The following MED13L variants were observed in gnomAD, a reference collection of about 807,000 sequenced individuals.
MED13L encodes mediator of RNA polymerase II transcription subunit 13-like.
Under a neutral mutation model 220.9 loss-of-function variants are expected in MED13L, and 7 were observed. The observed-to-expected ratio is 0.03, with a 90% CI of 0.02 to 0.06. MED13L has a LOEUF of 0.06. Ranked by LOEUF, MED13L falls within the 10% of genes least tolerant of loss-of-function variation. MED13L has a pLI of 1.00. For missense variants in MED13L, 1,965 were observed against 2,760.5 expected (o/e 0.71, Z 6.46); for synonymous variants, 1,011 against 1,015.2 (o/e 1.00, Z 0.08).
At chr12:116,218,765 G>A (rs1301767539) in intron 2 of MED13L, among the ~76,000 whole-genome samples, 1 of 151,044 alleles carries the variant, frequency 6.6e-6, no homozygotes, top group Non-Finnish European at 1.5e-5. Context: ...ACAAGGTCTT[G>A]CTCTGTCACC....
intron 2 of MED13L, among the ~76,000 whole-genome samples, chr12:116,217,137 T>C (rs1883046617): frequency 6.6e-6 from 1 of 152,190 alleles, no homozygotes. Flanking sequence ...CTCTCTCCTG[T>C]GACAGTTACC....
At chr12:116,166,089 C>T (rs1318944666) in intron 2 of MED13L, among the ~76,000 whole-genome samples, 2 of 152,176 alleles carry the variant, frequency 1.3e-5, no homozygotes, top group African/African-American at 2.4e-5. Flanking sequence ...TCTGGTCAGG[C>T]GCAGTGGCTC....
chr12:116,185,444 AT>A (rs1880818620), intron 2 of MED13L, among the ~76,000 whole-genome samples: 1 of 152,038 alleles, frequency 6.6e-6, no homozygotes, highest in African/African-American at 2.4e-5. Flanking sequence ...ACTCTAAAAG[AT>A]CTTTGTAAGA....
chr12:116,032,162 C>T (rs993988343), intron 4 of MED13L, among the ~76,000 whole-genome samples: 8 of 152,022 alleles, frequency 5.3e-5, no homozygotes, highest in African/African-American at 1.9e-4. Context: ...ATCATATATT[C>T]CTGGATATAA....
intron 2 of MED13L, among the ~76,000 whole-genome samples, chr12:116,128,167 T>A (rs1421832679): frequency 6.6e-6 from 1 of 152,244 alleles, no homozygotes; most frequent in East Asian, 1.9e-4. Flanking sequence ...CAAAGAAGAA[T>A]GTCAGCACGA....
chr12:116,277,496 CCGGAGCCGCCGCCGCCGCCT>C lies in MED13L; in HGVS notation c.-385_-366del, dbSNP rs1257504871. On this transcript the variant is annotated 5_prime_UTR_variant, in exon 1 of 31. Coordinates refer to ENST00000281928, the MANE Select transcript of MED13L (RefSeq NM_015335.5). ...GCCGGCGCGCGAGGGGAGGCGAGCC[CCGGAGCCGCCGCCGCCGCCT>C]CGGAGCCGCCGCCGCCGCGGAGCGC... Among the ~76,000 whole-genome samples the C allele has an allele frequency of 5.8e-4, 87 of 148,806 alleles. No individual in the cohort carries two copies. The highest frequency in any genetic ancestry group is 1.5e-3 in the African/African-American group (60 of 41,050).
At chr12:116,192,430 A>G (rs2138271177) in intron 2 of MED13L, among the ~76,000 whole-genome samples, 1 of 152,306 alleles carries the variant, frequency 6.6e-6, no homozygotes, top group South Asian at 2.1e-4. Context: ...AGCTAATAAG[A>G]AATGAAACTT....
intron 1 of MED13L, among the ~76,000 whole-genome samples, chr12:116,269,693 A>G (rs1873125270): frequency 6.6e-6 from 1 of 152,166 alleles, no homozygotes. Context: ...AAAGAAAAAC[A>G]GTAATGGAGT....
chr12:116,109,793 C>T (rs988184323), intron 3 of MED13L, among the ~76,000 whole-genome samples: 2 of 152,176 alleles, frequency 1.3e-5, no homozygotes, highest in Non-Finnish European at 2.9e-5. Context: ...AATGGTTCCA[C>T]ATGCATAGTA....
At chr12:116,197,566 A>G (rs779003130) in intron 2 of MED13L, among the ~76,000 whole-genome samples, 29 of 152,258 alleles carry the variant, frequency 1.9e-4, no homozygotes, top group Non-Finnish European at 3.5e-4. Context: ...CAGGAGTTCA[A>G]GACCAGCCTG....
At chr12:116,008,134 A>G in intron 10 of MED13L, 1 of 478,894 alleles carries the variant, frequency 2.1e-6, no homozygotes, top group Non-Finnish European at 3.6e-6. Context: ...TTTAATTAAC[A>G]AACAGTAGGG....
At position 115,983,403 on chromosome 12, in the gene MED13L, G is replaced by C; in HGVS notation, c.4669C>G (p.Pro1557Ala). 1 of 1,614,166 alleles carries C rather than the reference G, an allele frequency of 6.2e-7. No individual in the cohort carries two copies. The highest frequency in any genetic ancestry group is 8.5e-7 in the Non-Finnish European group (1 of 1,180,012). The change falls in exon 21 of 31, where the codon CCA (proline) becomes GCA (alanine). Residue 1557 changes from proline to alanine, a missense_variant. Physicochemically the swap from Pro to Ala is conservative, Grantham distance 27. Coordinates refer to ENST00000281928, the MANE Select transcript of MED13L (RefSeq NM_015335.5). ...GTGGGATTAAATGCACTGCCAGCTG[G>C]GGGAGCTGCTGATCCATTTGGAGCT... ...PLAPNGSAAP[P>A]AGSAFNPTSN...
chr12:116,051,310 T>C (rs778965433), intron 4 of MED13L, among the ~76,000 whole-genome samples: 11 of 151,718 alleles, frequency 7.3e-5, no homozygotes, highest in Non-Finnish European at 1.5e-4. Context: ...CTCAAAAATA[T>C]TGATAACAAT....
At chr12:116,137,852 A>AT (rs5801166) in intron 2 of MED13L, among the ~76,000 whole-genome samples, 13,307 of 118,444 alleles carry the variant, frequency 0.11, 1,381 homozygotes, top group African/African-American at 0.24. Flanking sequence ...TAATGAGGTA[A>AT]TTTTTTTTTT....
intron 2 of MED13L, among the ~76,000 whole-genome samples, chr12:116,167,144 T>C (rs973781498): frequency 6.6e-6 from 1 of 152,020 alleles, no homozygotes; most frequent in African/African-American, 2.4e-5. Context: ...GATAGACAAA[T>C]TGATTAAAAA....
intron 8 of MED13L, 64 bp downstream of exon 8, chr12:116,015,045 T>G: frequency 2.6e-6 from 4 of 1,513,784 alleles, no homozygotes; most frequent in Non-Finnish European, 3.7e-6. Context: ...GATTGACATT[T>G]TCCAGGTAGC....
chr12:116,227,251 A>G (rs1438895758), intron 2 of MED13L, among the ~76,000 whole-genome samples: 2 of 152,224 alleles, frequency 1.3e-5, no homozygotes, highest in Non-Finnish European at 2.9e-5. Flanking sequence ...GGGCTATGAC[A>G]ACAGATCTCT....
chr12:116,232,742 C>T (rs1869685724), intron 2 of MED13L, among the ~76,000 whole-genome samples: 1 of 152,158 alleles, frequency 6.6e-6, no homozygotes, highest in South Asian at 2.1e-4. Context: ...GCATGTCTTT[C>T]CCACCACTAA....
intron 4 of MED13L, among the ~76,000 whole-genome samples, chr12:116,068,687 G>A (rs1870138123): frequency 6.6e-6 from 1 of 152,048 alleles, no homozygotes; most frequent in African/African-American, 2.4e-5. Context: ...TTCTACATGT[G>A]CTTTTCAGAA....
Sources: allele counts gnomAD v4.1 joint callset (sites outside exome capture counted in the v4.1 genomes callset), GRCh38; gene constraint gnomAD v4.1.1; transcripts MANE v1.5; gene names NCBI Gene and HGNC (gene_info 2026-07-23, HGNC 2026-07-21).